Variants in NPIPB2 observed in about 807,000 individuals in gnomAD.
The protein encoded by NPIPB2 is nuclear pore complex interacting protein family member B2.
Under a neutral mutation model 30.8 loss-of-function variants are expected in NPIPB2, and 27 were observed. The ratio of observed to expected loss-of-function variants is 0.88; its 90% confidence interval spans 0.65 to 1.21. NPIPB2 has a LOEUF of 1.21. Among genes scored for constraint, NPIPB2 ranks in the 50% most tolerant of loss-of-function variants. The pLI is 0.00. For missense variants in NPIPB2, 440 were observed against 446.2 expected, an observed-to-expected ratio of 0.99 and a Z score of 0.13; for synonymous variants, 147 against 162.0, an observed-to-expected ratio of 0.91 and a Z score of 0.70.
chr16:11,965,178 C>A, intron 1 of NPIPB2: 2 of 953,740 alleles, frequency 2.1e-6, no homozygotes, highest in East Asian at 2.4e-5. Context: ...CACAGACAGC[C>A]CCCGTAAGAA....
At chr16:11,947,415 G>A (rs2055022930) in intron 1 of NPIPB2, among the ~76,000 whole-genome samples, 1 of 150,874 alleles carries the variant, frequency 6.6e-6, no homozygotes, top group African/African-American at 2.4e-5. Flanking sequence ...CGCGATCTCG[G>A]CTCACTGCAA....
chr16:11,938,969 A>G (rs1186672449), intron 1 of NPIPB2, among the ~76,000 whole-genome samples: 1 of 151,818 alleles, frequency 6.6e-6, no homozygotes, highest in African/African-American at 2.4e-5. Flanking sequence ...GCTGGTCTCC[A>G]ACTCCTGACC....
rs7198174 is a variant in NPIPB2 at position 11,947,322 on chromosome 16, T to A, written c.-583-5208A>T. Reference sequence around the variant, plus strand: ...TTTATTTATTTATTTATTTATTTATTTATATATATATATATTTATTTATTT... The same window carrying A: ...TTTATTTATTTATTTATTTATTTATATATATATATATATATTTATTTATTT... On this transcript the variant is annotated intron_variant, in intron 1 of 5. Coordinates refer to the NPIPB2 transcript ENST00000538896. 6.6e-4 allele frequency among the ~76,000 whole-genome samples: 79 copies of A among 119,942 alleles called. 1 individual carries two copies. In the East Asian group the frequency reaches 7.8e-3, roughly 12 times the overall value. The allele number at this position is 119,942 out of a possible 152,430, so 78.7% of individuals were successfully genotyped here. A position where few individuals can be genotyped will look rare whatever the true frequency, so the allele number is the denominator to read the frequency against.
intron 1 of NPIPB2, among the ~76,000 whole-genome samples, chr16:11,969,794 C>A (rs1488357479): frequency 6.7e-6 from 1 of 148,406 alleles, no homozygotes; most frequent in Non-Finnish European, 1.5e-5. Context: ...CTATAATAAT[C>A]ATATCTAACC....
intron 1 of NPIPB2, among the ~76,000 whole-genome samples, chr16:11,970,186 C>T (rs1473339854): frequency 6.6e-6 from 1 of 151,610 alleles, no homozygotes; most frequent in Non-Finnish European, 1.5e-5. Flanking sequence ...CTGTCTTGTC[C>T]CACATTTCCA....
chr16:11,946,588 A>T (rs1243510151), upstream of NPIPB2, among the ~76,000 whole-genome samples: 2 of 151,994 alleles, frequency 1.3e-5, no homozygotes, highest in Non-Finnish European at 2.9e-5. Context: ...AAAGCAATGC[A>T]TAATGAGATA....
intron 1 of NPIPB2, among the ~76,000 whole-genome samples, chr16:11,951,664 A>ACCCC (rs201245969): frequency 7.8e-6 from 1 of 127,406 alleles, no homozygotes; most frequent in South Asian, 3.5e-4. Flanking sequence ...ACACACACAC[A>ACCCC]CACCCAGCCC....
intron 1 of NPIPB2, among the ~76,000 whole-genome samples, chr16:11,970,778 C>T (rs890866262): frequency 5.3e-5 from 8 of 152,112 alleles, no homozygotes; most frequent in Admixed American, 3.3e-4. Flanking sequence ...TCGTGATCTA[C>T]CTGCCTTGGC....
chr16:11,963,553 G>C (rs2150938131), intron 1 of NPIPB2, among the ~76,000 whole-genome samples: 1 of 152,236 alleles, frequency 6.6e-6, no homozygotes, highest in Non-Finnish European at 1.5e-5. Flanking sequence ...CCACCACTCA[G>C]CTTAATAAAG....
upstream of NPIPB2, among the ~76,000 whole-genome samples, chr16:11,943,097 G>A (rs1261656746): frequency 3.3e-5 from 5 of 152,100 alleles, no homozygotes; most frequent in African/African-American, 1.2e-4. Context: ...CGAGGTGGGC[G>A]GATCACAAGG....
intron 1 of NPIPB2, among the ~76,000 whole-genome samples, chr16:11,940,753 C>G (rs2054927256): frequency 1.2e-5 from 1 of 85,888 alleles, no homozygotes; most frequent in South Asian, 4.0e-4. Context: ...GAGTGAGACT[C>G]TGTCTAAAAA....
chr16:11,971,970 C>T (rs1185052675), intron 1 of NPIPB2, among the ~76,000 whole-genome samples: 2 of 151,538 alleles, frequency 1.3e-5, no homozygotes, highest in Admixed American at 6.6e-5. Flanking sequence ...CATAGTGAAA[C>T]CCCATCTCTA....
intron 1 of NPIPB2, among the ~76,000 whole-genome samples, chr16:11,975,141 CT>C (rs1195309022): frequency 2.7e-5 from 1 of 37,502 alleles, no homozygotes; most frequent in Non-Finnish European, 4.3e-5. Context: ...AATCCATCAC[CT>C]TTTTTTTTTT....
intron 1 of NPIPB2, among the ~76,000 whole-genome samples, chr16:11,965,681 A>G (rs1169865726): frequency 6.6e-6 from 1 of 152,236 alleles, no homozygotes; most frequent in African/African-American, 2.4e-5. Flanking sequence ...TTTAAAAATC[A>G]GCTCTTCTAA....
At chr16:11,967,725 C>A in intron 1 of NPIPB2, 1 of 1,614,198 alleles carries the variant, frequency 6.2e-7, no homozygotes. Context: ...CCATTGCTTT[C>A]CACTCCCAGC....
At chr16:11,933,408 A>G in intron 4 of NPIPB2, 109 bp downstream of exon 4, 13 of 1,513,156 alleles carry the variant, frequency 8.6e-6, no homozygotes, top group Non-Finnish European at 1.2e-5. Context: ...TTTTGAACCC[A>G]CTGAATTTGC....
At chr16:11,947,283 G>A (rs1407364255) in intron 1 of NPIPB2, among the ~76,000 whole-genome samples, 1 of 140,166 alleles carries the variant, frequency 7.1e-6, no homozygotes, top group Non-Finnish European at 1.5e-5. Context: ...GTGTACATAG[G>A]TACATACACA....
chr16:11,969,297 G>A (rs1443364384), intron 1 of NPIPB2, among the ~76,000 whole-genome samples: 7 of 151,990 alleles, frequency 4.6e-5, no homozygotes, highest in African/African-American at 9.7e-5. Flanking sequence ...TCGCTCTGTC[G>A]TTGACACGGG....
chr16:11,933,574 G>A (rs1456062228), exon 4 of NPIPB2: 2 of 1,596,128 alleles, frequency 1.3e-6, no homozygotes, highest in East Asian at 4.5e-5. Flanking sequence ...GATTTTCGTT[G>A]TCACCTTCAT....
Sources: allele counts gnomAD v4.1 joint callset (sites outside exome capture counted in the v4.1 genomes callset), GRCh38; gene constraint gnomAD v4.1.1; transcripts MANE v1.5; gene names NCBI Gene and HGNC (gene_info 2026-07-23, HGNC 2026-07-21).